TOP1: variants seen among roughly 807,000 people sequenced by gnomAD.
The protein encoded by TOP1 is DNA topoisomerase 1.
TOP1 carries 10 observed loss-of-function variants against 111.1 expected under a neutral mutation model. The observed-to-expected ratio is 0.09, with a 90% CI of 0.06 to 0.15. The LOEUF (loss-of-function observed/expected upper bound fraction) is 0.15. TOP1 is among the 10% of genes least tolerant of loss of function. TOP1 has a pLI of 1.00. For synonymous variants in TOP1, 271 were observed against 302.9 expected (o/e 0.89, Z 1.10); for missense variants, 474 against 926.7 (o/e 0.51, Z 6.34).
chr20:41,081,373 A>T, intron 7 of TOP1, 133 bp downstream of exon 7: 1 of 1,098,988 alleles, frequency 9.1e-7, no homozygotes, highest in Non-Finnish European at 1.2e-6. Context: ...AAATTTAATA[A>T]GTGGTGGCTG....
At chr20:41,053,947 T>C (rs2033437019) in intron 2 of TOP1, among the ~76,000 whole-genome samples, 1 of 152,174 alleles carries the variant, frequency 6.6e-6, no homozygotes, top group Non-Finnish European at 1.5e-5. Context: ...TTTTGCCAAA[T>C]TCTTCCTTCA....
At chr20:41,113,842 C>T in intron 14 of TOP1, 128 bp from the exon 15 acceptor site, 1 of 696,230 alleles carries the variant, frequency 1.4e-6, no homozygotes, top group Non-Finnish European at 2.2e-6. Flanking sequence ...AAAATTGCGC[C>T]ATTGCACTCT....
At position 41,032,329 on chromosome 20, in the gene TOP1, C is replaced by A. The variant is rs1413458813; in HGVS notation, c.58+2874C>A. ...AATTTAGAACATTCTGACCCATACT[C>A]AACTGCTGGGAGACTCTGTTATTTA... On this transcript the variant is annotated intron_variant, in intron 2 of 20. Coordinates refer to ENST00000361337, the MANE Select transcript of TOP1 (RefSeq NM_003286.4). This position sits in a 1 kb window ranked among gnomAD's most constrained non-coding sequence, Gnocchi z 4.3. 6.6e-6 allele frequency among the ~76,000 whole-genome samples: 1 copy of A among 152,056 alleles called. No individual in the cohort carries two copies. Among genetic ancestry groups the A allele is most frequent in the Non-Finnish European group, 1.5e-5 (1 of 68,036 alleles).
rs1012397300 is a variant in TOP1 at position 41,095,512 on chromosome 20, GTCTT to G, written c.731-1703_731-1700del. Reference sequence around the variant, plus strand: ...ATACACAGCCTATCTTCCCCGAAGTGTCTTTCTTCCAAAGCAGAAGCTTGGGGGT... The same window carrying G: ...ATACACAGCCTATCTTCCCCGAAGTGTCTTCCAAAGCAGAAGCTTGGGGGT... On this transcript the variant is annotated intron_variant, in intron 9 of 20. Transcript: ENST00000361337. The surrounding 1 kb of genome is among the most constrained non-coding windows in gnomAD (Gnocchi z 4.6). 6.6e-6 allele frequency among the ~76,000 whole-genome samples: 1 copy of G among 152,138 alleles called. No individual in the cohort carries two copies. The highest frequency in any genetic ancestry group is 2.4e-5 in the African/African-American group (1 of 41,432).
At chr20:41,111,663 A>T (rs570372216) in intron 13 of TOP1, among the ~76,000 whole-genome samples, 1 of 129,560 alleles carries the variant, frequency 7.7e-6, no homozygotes, top group South Asian at 2.4e-4. Flanking sequence ...GGTTATCTTC[A>T]CCACAGGTCT....
chr20:41,031,123 C>T (rs1002132842), intron 2 of TOP1, among the ~76,000 whole-genome samples: 13 of 152,090 alleles, frequency 8.5e-5, no homozygotes, highest in Non-Finnish European at 1.3e-4. Flanking sequence ...AGACTGGGCG[C>T]AGAGAATTGT....
rs1329236739 is a variant in TOP1, at chr20:41,061,699, T to C, written c.155+209T>C. On this transcript the variant is annotated intron_variant, in intron 3 of 20. Transcript: ENST00000361337. The surrounding 1 kb of genome is among the most constrained non-coding windows in gnomAD (Gnocchi z 4.6). ...CAGATCAAGATGTATAAAGCAAGTA[T>C]GTTTAATTTTCTTTTAATATATACC... Among the ~76,000 whole-genome samples the C allele has an allele frequency of 1.3e-5, 2 of 152,220 alleles. 1 individual carries two copies. The highest frequency in any genetic ancestry group is 4.8e-5 in the African/African-American group (2 of 41,438).
At chr20:41,035,904 G>A (rs1341854894) in intron 2 of TOP1, among the ~76,000 whole-genome samples, 22 of 152,160 alleles carry the variant, frequency 1.4e-4, no homozygotes, top group Non-Finnish European at 2.9e-4. Context: ...GATCTCATTG[G>A]CTAAGACCTT....
chr20:41,073,269 C>T, intron 3 of TOP1: 1 of 984,188 alleles, frequency 1.0e-6, no homozygotes, highest in Non-Finnish European at 1.2e-6. Flanking sequence ...AATGCTTTCA[C>T]TGAGAAAGAG....
At chr20:41,119,973 T>C (rs2034395731) in intron 18 of TOP1, among the ~76,000 whole-genome samples, 1 of 152,216 alleles carries the variant, frequency 6.6e-6, no homozygotes, top group African/African-American at 2.4e-5. Flanking sequence ...AGGAGGTCTT[T>C]TGTTGCTCTC....
At chr20:41,044,938 C>T (rs996010142) in intron 2 of TOP1, among the ~76,000 whole-genome samples, 1 of 152,196 alleles carries the variant, frequency 6.6e-6, no homozygotes, top group African/African-American at 2.4e-5. Flanking sequence ...CAGGCGTGGG[C>T]CACCACGCTC....
chr20:41,050,931 A>G (rs1041715535), intron 2 of TOP1, among the ~76,000 whole-genome samples: 1 of 152,162 alleles, frequency 6.6e-6, no homozygotes, highest in Non-Finnish European at 1.5e-5. Context: ...TGGGGATGTG[A>G]TATGGGTTTG....
intron 13 of TOP1, among the ~76,000 whole-genome samples, chr20:41,104,150 T>C (rs763477709): frequency 1.6e-4 from 25 of 152,254 alleles, no homozygotes; most frequent in Middle Eastern, 3.4e-3. Context: ...TCTAAGAAGA[T>C]TGAAGAGTTA....
intron 3 of TOP1, among the ~76,000 whole-genome samples, chr20:41,070,161 A>G (rs1427387556): frequency 6.6e-6 from 1 of 152,248 alleles, no homozygotes; most frequent in Non-Finnish European, 1.5e-5. Context: ...TTAGCTACAA[A>G]TGACATGAAG....
At position 41,082,454 on chromosome 20, in the gene TOP1, A is replaced by G. The variant is rs557515071; in HGVS notation, c.507+1214A>G. Among the ~76,000 whole-genome samples, 9 of 152,302 alleles carry G rather than the reference A, an allele frequency of 5.9e-5. No individual in the cohort carries two copies. Among genetic ancestry groups the G allele is most frequent in the African/African-American group, 2.2e-4 (9 of 41,570 alleles). ...ATTTGCCTGAGGTCACATAGCTACTAAGGTGGAAAAGCCAGCATTTGATCC... is the reference window on the plus strand; with the variant it reads ...ATTTGCCTGAGGTCACATAGCTACTGAGGTGGAAAAGCCAGCATTTGATCC... On this transcript the variant is annotated intron_variant, in intron 7 of 20. Coordinates refer to ENST00000361337, the MANE Select transcript of TOP1 (RefSeq NM_003286.4). This position sits in a 1 kb window ranked among gnomAD's most constrained non-coding sequence, Gnocchi z 4.1.
In TOP1 at chr20:41,094,274, T is replaced by C. The variant is rs2145947107; in HGVS notation, c.730+1687T>C. ...AAGACAGTTCTTTCAGCCCTCACGC[T>C]GGTCATTCCTGGAGACTCTTAACTA... is the stretch of plus-strand genomic sequence containing the variant. On this transcript the variant is annotated intron_variant, in intron 9 of 20. Coordinates refer to ENST00000361337, the MANE Select transcript of TOP1 (RefSeq NM_003286.4). This position sits in a 1 kb window ranked among gnomAD's most constrained non-coding sequence, Gnocchi z 4.4. Among the ~76,000 whole-genome samples the C allele has an allele frequency of 6.6e-6, 1 of 152,262 alleles. No individual in the cohort carries two copies. The highest frequency in any genetic ancestry group is 2.1e-4 in the South Asian group (1 of 4,828).
intron 18 of TOP1, among the ~76,000 whole-genome samples, chr20:41,120,210 G>A (rs1167840946): frequency 6.6e-6 from 1 of 152,216 alleles, no homozygotes; most frequent in Non-Finnish European, 1.5e-5. Context: ...AAAGAATCTG[G>A]CTAGTGGTGT....
chr20:41,118,382 G>T lies in TOP1; in HGVS notation c.1950+86G>T. ...GGATTCAGGGCTGAGATATCAGCAG[G>T]CCAGTGCTGGGTCTGTTGTAGAAGG... On this transcript the variant is annotated intron_variant, in intron 18 of 20. Coordinates refer to ENST00000361337, the MANE Select transcript of TOP1 (RefSeq NM_003286.4). This position sits in a 1 kb window ranked among gnomAD's most constrained non-coding sequence, Gnocchi z 4.6. 1 of 1,495,598 alleles carries T rather than the reference G, an allele frequency of 6.7e-7. No individual in the cohort carries two copies. The highest frequency in any genetic ancestry group is 9.2e-7 in the Non-Finnish European group (1 of 1,086,580). 92.6% of individuals were successfully genotyped at this position (1,495,598 alleles called of 1,614,324 possible). A position where few individuals can be genotyped will look rare whatever the true frequency, so the allele number is the denominator to read the frequency against.
At chr20:41,103,882 C>A (rs1006403604) in intron 13 of TOP1, among the ~76,000 whole-genome samples, 8 of 151,906 alleles carry the variant, frequency 5.3e-5, no homozygotes, top group Non-Finnish European at 1.2e-4. Flanking sequence ...AAAGGCCATC[C>A]CTGAATCCTA....
Sources: allele counts gnomAD v4.1 joint callset (sites outside exome capture counted in the v4.1 genomes callset), GRCh38; gene constraint gnomAD v4.1.1; non-coding constraint Gnocchi (gnomAD v3.1); transcripts MANE v1.5; gene names NCBI Gene and HGNC (gene_info 2026-07-23, HGNC 2026-07-21).